Variants in ANTXRL observed in about 807,000 individuals in gnomAD.
ANTXRL encodes the protein ANTXR like, also known as anthrax toxin receptor-like.
ANTXRL carries 63 observed loss-of-function variants against 75.4 expected under a neutral mutation model. The observed-to-expected ratio is 0.84, with a 90% CI of 0.68 to 1.03. The LOEUF is 1.03. Ranked by LOEUF, ANTXRL falls within the 50% of genes least tolerant of loss-of-function variation. The pLI is 0.00. For missense variants in ANTXRL, 797 were observed against 789.4 expected (o/e 1.01, Z -0.12); for synonymous variants, 335 against 291.3 (o/e 1.15, Z -1.53).
At chr10:46,301,423 G>A (rs1389481468) in intron 9 of ANTXRL, among the ~76,000 whole-genome samples, 5 of 152,204 alleles carry the variant, frequency 3.3e-5, no homozygotes, top group Admixed American at 2.6e-4. Context: ...TCCAAGGGCA[G>A]CATAGTATCC....
At chr10:46,293,126 TGC>T in intron 2 of ANTXRL, 1 of 151,820 alleles carries the variant, frequency 6.6e-6, no homozygotes, top group South Asian at 2.0e-4. Flanking sequence ...TGTGTGTGTG[TGC>T]AGGTGCCTGA....
At chr10:46,302,032 G>A (rs1195735414) in intron 9 of ANTXRL, among the ~76,000 whole-genome samples, 10 of 152,202 alleles carry the variant, frequency 6.6e-5, no homozygotes, top group Non-Finnish European at 1.2e-4. Context: ...TGAGCCTCAG[G>A]ATGGGTGCCC....
intron 9 of ANTXRL, among the ~76,000 whole-genome samples, chr10:46,301,971 T>C (rs1837776152): frequency 6.6e-6 from 1 of 152,198 alleles, no homozygotes; most frequent in Non-Finnish European, 1.5e-5. Flanking sequence ...ATGTGTCCCC[T>C]GTGGTCTTTG....
In ANTXRL at chr10:46,297,430, G is replaced by A; in HGVS notation, c.610G>A (p.Ala204Thr). Residue 204 changes from alanine to threonine, a missense_variant, in exon 7 of 17, where the codon GCC becomes ACC. By Grantham distance (58) the Ala-to-Thr change is moderately conservative (BLOSUM62 0). Around this residue, in one of 3 missense-constraint regions of ANTXRL, gnomAD observed 262 missense variants for 271.9 expected, o/e 0.96. Coordinates refer to ENST00000620264, the MANE Select transcript of ANTXRL (RefSeq NM_001278688.3). The stretch of plus-strand genomic sequence containing the variant: ...GGCTCAAAAGGCTCGGAAACTGGGG[G>A]CCAACGTTTACACCCTGGGTGTGGC... Reference protein sequence around the residue: ...REAQKARKLGANVYTLGVADY... With the variant: ...REAQKARKLGTNVYTLGVADY... 6.5e-7 allele frequency: 1 copy of A among 1,535,888 alleles called. No homozygotes were observed. The highest frequency in any genetic ancestry group is 8.7e-7 in the Non-Finnish European group (1 of 1,146,754).
At chr10:46,315,168 C>G (rs1346736243) in intron 16 of ANTXRL, among the ~76,000 whole-genome samples, 4 of 152,216 alleles carry the variant, frequency 2.6e-5, no homozygotes, top group African/African-American at 9.7e-5. Context: ...CAGGGTCAGA[C>G]TGTAAGCCTA....
chr10:46,323,917 C>T (rs1839093950), intron 16 of ANTXRL, among the ~76,000 whole-genome samples: 1 of 152,132 alleles, frequency 6.6e-6, no homozygotes, highest in Non-Finnish European at 1.5e-5. Context: ...AACCCAGGAT[C>T]CTCAATATCC....
At chr10:46,287,898 G>A (rs553133195) in intron 1 of ANTXRL, among the ~76,000 whole-genome samples, 28 of 152,166 alleles carry the variant, frequency 1.8e-4, no homozygotes, top group Non-Finnish European at 2.6e-4. Flanking sequence ...GTTTTTTCAC[G>A]CAAATGACTT....
chr10:46,287,378 T>A lies in ANTXRL; in HGVS notation c.116T>A (p.Ile39Lys), dbSNP rs1590312359. 22 of 1,535,938 alleles carry A rather than the reference T, an allele frequency of 1.4e-5. No individual in the cohort carries two copies. Among genetic ancestry groups the A allele is most frequent in the Non-Finnish European group, 1.9e-5 (22 of 1,146,734 alleles). The change falls in exon 1 of 17, where the codon ATA becomes AAA. Residue 39 changes from isoleucine (I) to lysine (K), a missense_variant. Physicochemically the swap from Ile to Lys is moderately radical, Grantham distance 102. Transcript: ENST00000620264. ...SLRYHGPDWR[I>K]FHRLALGSRR... The stretch of plus-strand genomic sequence containing the variant: ...CGGTACCATGGACCTGACTGGAGAA[T>A]ATTTCACCGCCTGGCCCTGGGCTCC...
At chr10:46,326,005 C>T (rs1554966380) in intron 16 of ANTXRL, among the ~76,000 whole-genome samples, 1 of 151,774 alleles carries the variant, frequency 6.6e-6, no homozygotes, top group Non-Finnish European at 1.5e-5. Context: ...TACAGTGGCT[C>T]TAAGCTCAGT....
intron 9 of ANTXRL, among the ~76,000 whole-genome samples, chr10:46,300,353 C>A (rs189564886): frequency 5.5e-4 from 83 of 152,216 alleles, no homozygotes; most frequent in African/African-American, 1.9e-3. Context: ...CTCCAGGGAG[C>A]CCAGGAAGGA....
At position 46,293,919 on chromosome 10, in the gene ANTXRL, C is replaced by A. The variant is rs1162826016; in HGVS notation, c.392+19C>A. On this transcript the variant is annotated intron_variant, in intron 3 of 16. Coordinates refer to ENST00000620264, the MANE Select transcript of ANTXRL (RefSeq NM_001278688.3). ...CAGACAAGTGAGTGCTGCTTTGAGC[C>A]CCAAAGGGAGGCCTGATGAGCTTGG... is the stretch of plus-strand genomic sequence containing the variant. 5.3e-5 allele frequency: 82 copies of A among 1,534,732 alleles called. 1 individual carries two copies. Among genetic ancestry groups the A allele is most frequent in the Non-Finnish European group, 7.0e-5 (80 of 1,146,000 alleles).
At chr10:46,316,467 C>A (rs1351804831) in intron 16 of ANTXRL, among the ~76,000 whole-genome samples, 1 of 152,136 alleles carries the variant, frequency 6.6e-6, no homozygotes, top group African/African-American at 2.4e-5. Context: ...GGCTCCAGGT[C>A]CTTACTGTGT....
intron 9 of ANTXRL, among the ~76,000 whole-genome samples, chr10:46,298,750 G>A (rs1837537481): frequency 6.6e-6 from 1 of 150,992 alleles, no homozygotes; most frequent in African/African-American, 2.4e-5. Flanking sequence ...GGTATTTTTG[G>A]TGTATGTGTG....
chr10:46,317,905 GA>G, intron 16 of ANTXRL, among the ~76,000 whole-genome samples: 1 of 152,258 alleles, frequency 6.6e-6, no homozygotes, highest in Admixed American at 6.5e-5. Context: ...GCAATCAGTA[GA>G]GAGGCAGTGA....
chr10:46,298,601 G>A (rs1837531575), intron 9 of ANTXRL, among the ~76,000 whole-genome samples: 1 of 151,778 alleles, frequency 6.6e-6, no homozygotes, highest in Non-Finnish European at 1.5e-5. Context: ...GTTGCCTGGT[G>A]TGTGGAAGGC....
intron 9 of ANTXRL, among the ~76,000 whole-genome samples, chr10:46,301,302 G>A (rs1356186177): frequency 6.6e-6 from 1 of 152,224 alleles, no homozygotes. Context: ...TGTGGGAGAG[G>A]ACCCCAGGCT....
intron 16 of ANTXRL, among the ~76,000 whole-genome samples, chr10:46,324,388 G>A (rs946024994): frequency 1.3e-5 from 2 of 152,138 alleles, no homozygotes; most frequent in Non-Finnish European, 2.9e-5. Flanking sequence ...GGTACGTTAG[G>A]TAATAAAGTA....
intron 16 of ANTXRL, among the ~76,000 whole-genome samples, chr10:46,317,717 GCA>G (rs112715634): frequency 0.047 from 7,081 of 150,712 alleles, 557 homozygotes; most frequent in African/African-American, 0.16. Context: ...CAAAACACAT[GCA>G]CACACACACA....
intron 16 of ANTXRL, among the ~76,000 whole-genome samples, chr10:46,318,830 A>G (rs1197980153): frequency 6.6e-6 from 1 of 152,180 alleles, no homozygotes; most frequent in Non-Finnish European, 1.5e-5. Context: ...AAAACAAAAC[A>G]TGATTCCAAA....
Sources: gnomAD v4.1 joint callset for allele counts (sites outside exome capture counted in the v4.1 genomes callset) on GRCh38, gnomAD v4.1.1 for gene constraint, gnomAD v4.1.1 regional missense constraint, MANE v1.5 for transcripts, NCBI Gene and HGNC (gene_info 2026-07-23, HGNC 2026-07-21) for gene names.